Variants in DRC11 observed in about 807,000 individuals in gnomAD.
DRC11 encodes dynein regulatory complex subunit 11.
the DRC11 span, among the ~76,000 whole-genome samples, chr2:236,322,229 CTTTTTTTTTTTTTT>C: frequency 1.0e-5 from 1 of 98,542 alleles, no homozygotes; most frequent in Non-Finnish European, 2.0e-5. Context: ...TTTCTTTCCT[CTTTTTTTTTTTTTT>C]TTTTTTTTTG....
chr2:236,422,284 A>G, the DRC11 span, among the ~76,000 whole-genome samples: 1 of 152,338 alleles, frequency 6.6e-6, no homozygotes, highest in African/African-American at 2.4e-5. Context: ...TTTGCAGATG[A>G]CATGATTGTA....
At chr2:236,348,881 G>A in the DRC11 span, among the ~76,000 whole-genome samples, 3 of 152,084 alleles carry the variant, frequency 2.0e-5, no homozygotes, top group African/African-American at 7.2e-5. This position sits in a 1 kb window ranked among gnomAD's most constrained non-coding sequence, Gnocchi z 7.4. Flanking sequence ...AACCACTCTG[G>A]TAGCTTCAGC....
At chr2:236,350,224 C>T in the DRC11 span, among the ~76,000 whole-genome samples, 1 of 152,134 alleles carries the variant, frequency 6.6e-6, no homozygotes, top group Admixed American at 6.5e-5. This position sits in a 1 kb window ranked among gnomAD's most constrained non-coding sequence, Gnocchi z 5.2. Context: ...GTGAAGTTAG[C>T]GATTGTTCCT....
chr2:236,338,119 G>A, the DRC11 span: 12 of 1,368,270 alleles, frequency 8.8e-6, no homozygotes, highest in African/African-American at 1.5e-5. Context: ...GGCGCCCACC[G>A]GGTCCAAGGG....
At chr2:236,461,476 T>C in the DRC11 span, among the ~76,000 whole-genome samples, 1 of 152,234 alleles carries the variant, frequency 6.6e-6, no homozygotes, top group Non-Finnish European at 1.5e-5. The surrounding 1 kb of genome is among the most constrained non-coding windows in gnomAD (Gnocchi z 4.0). Flanking sequence ...GACCCAATTA[T>C]GTAATTGAAT....
chr2:236,476,666 T>C, the DRC11 span, among the ~76,000 whole-genome samples: 3 of 152,210 alleles, frequency 2.0e-5, no homozygotes, highest in African/African-American at 4.8e-5. This position sits in a 1 kb window ranked among gnomAD's most constrained non-coding sequence, Gnocchi z 4.7. Flanking sequence ...TTTGTGTATG[T>C]TGAACCATTC....
the DRC11 span, among the ~76,000 whole-genome samples, chr2:236,454,241 G>A: frequency 6.6e-6 from 1 of 152,112 alleles, no homozygotes; most frequent in African/African-American, 2.4e-5. The surrounding 1 kb of genome is among the most constrained non-coding windows in gnomAD (Gnocchi z 5.3). Context: ...CTTGGTGCCC[G>A]GATAAACCAA....
At chr2:236,459,624 C>CGTATATACGTATATACGTAT in the DRC11 span, among the ~76,000 whole-genome samples, 2 of 82,646 alleles carry the variant, frequency 2.4e-5, no homozygotes, top group Admixed American at 1.1e-4. Flanking sequence ...TAAGTATATA[C>CGTATATACGTATATACGTAT]ATACGTATAT....
chr2:236,372,322 G>A, the DRC11 span, among the ~76,000 whole-genome samples: 1 of 152,130 alleles, frequency 6.6e-6, no homozygotes, highest in Non-Finnish European at 1.5e-5. The surrounding 1 kb of genome is among the most constrained non-coding windows in gnomAD (Gnocchi z 4.5). Flanking sequence ...GCATGATCTT[G>A]ACATCGTTTT....
At chr2:236,369,562 A>C in the DRC11 span, among the ~76,000 whole-genome samples, 4 of 152,178 alleles carry the variant, frequency 2.6e-5, no homozygotes, top group Non-Finnish European at 4.4e-5. The surrounding 1 kb of genome is among the most constrained non-coding windows in gnomAD (Gnocchi z 4.5). Flanking sequence ...CAGGAAAGTG[A>C]CCCCAATTTT....
chr2:236,506,922 C>CA, the DRC11 span, among the ~76,000 whole-genome samples: 1 of 152,052 alleles, frequency 6.6e-6, no homozygotes, highest in Admixed American at 6.6e-5. This position sits in a 1 kb window ranked among gnomAD's most constrained non-coding sequence, Gnocchi z 4.9. Context: ...GAAAGATTAA[C>CA]AAAAAAAGCA....
the DRC11 span, among the ~76,000 whole-genome samples, chr2:236,389,533 C>T: frequency 2.6e-5 from 4 of 152,142 alleles, no homozygotes; most frequent in African/African-American, 4.8e-5. Flanking sequence ...GCGACCGGTG[C>T]GCGCACCCAC....
chr2:236,501,909 G>C, the DRC11 span, among the ~76,000 whole-genome samples: 966 of 152,222 alleles, frequency 6.3e-3, 4 homozygotes, highest in Middle Eastern at 0.014. Flanking sequence ...TAACCCAGGA[G>C]GGTTGACTGC....
the DRC11 span, chr2:236,507,122 A>C: frequency 4.9e-6 from 4 of 820,414 alleles, no homozygotes; most frequent in South Asian, 6.4e-5. Context: ...AAAGGAAAAA[A>C]AGTGGGGGAG....
chr2:236,467,472 A>C, the DRC11 span, among the ~76,000 whole-genome samples: 1 of 152,212 alleles, frequency 6.6e-6, no homozygotes, highest in African/African-American at 2.4e-5. Flanking sequence ...TGGATTATTT[A>C]AATTTTGCAG....
chr2:236,409,101 G>T, the DRC11 span: 1 of 441,584 alleles, frequency 2.3e-6, no homozygotes, highest in Non-Finnish European at 4.1e-6. Flanking sequence ...CTTGCTGGTA[G>T]AGCCTAATTT....
the DRC11 span, among the ~76,000 whole-genome samples, chr2:236,506,668 C>A: frequency 9.0e-4 from 137 of 152,266 alleles, 3 homozygotes; most frequent in East Asian, 0.022. This position sits in a 1 kb window ranked among gnomAD's most constrained non-coding sequence, Gnocchi z 4.9. Flanking sequence ...TGCTGTGAAG[C>A]GGTTAGAACA....
At chr2:236,349,211 T>C in the DRC11 span, among the ~76,000 whole-genome samples, 3 of 152,104 alleles carry the variant, frequency 2.0e-5, no homozygotes, top group Admixed American at 1.3e-4. This position sits in a 1 kb window ranked among gnomAD's most constrained non-coding sequence, Gnocchi z 5.5. Context: ...TGGGCACTGC[T>C]GCCAAGGGAT....
At chr2:236,357,756 A>C in the DRC11 span, among the ~76,000 whole-genome samples, 5 of 126,700 alleles carry the variant, frequency 3.9e-5, no homozygotes, top group Non-Finnish European at 7.7e-5. Context: ...AAATATATAA[A>C]TATACATATA....
Sources: gnomAD v4.1 joint callset for allele counts (sites outside exome capture counted in the v4.1 genomes callset) on GRCh38, gnomAD v4.1.1 for gene constraint, Gnocchi (gnomAD v3.1) non-coding constraint, MANE v1.5 for transcripts, NCBI Gene and HGNC (gene_info 2026-07-23, HGNC 2026-07-21) for gene names.